Variants in TTC34 observed in about 807,000 individuals in gnomAD.
The protein encoded by TTC34 is tetratricopeptide repeat domain 34, also known as tetratricopeptide repeat protein 34.
Under a neutral mutation model 40.7 loss-of-function variants are expected in TTC34, and 44 were observed. The observed-to-expected ratio is 1.08, with a 90% CI of 0.85 to 1.39. The LOEUF is 1.39. TTC34 is among the 40% of genes most tolerant of loss of function. TTC34 has a pLI of 0.00. For missense variants in TTC34, 884 were observed against 838.0 expected, an observed-to-expected ratio of 1.05 and a Z score of -0.68; for synonymous variants, 422 against 398.6, an observed-to-expected ratio of 1.06 and a Z score of -0.70.
At chr1:2,783,325 T>C (rs980951936) in intron 6 of TTC34, among the ~76,000 whole-genome samples, 1 of 152,158 alleles carries the variant, frequency 6.6e-6, no homozygotes, top group Non-Finnish European at 1.5e-5. Flanking sequence ...GCACTGAGCA[T>C]TATCTAAGCT....
intron 6 of TTC34, among the ~76,000 whole-genome samples, chr1:2,683,673 C>G (rs1269407324): frequency 1.3e-5 from 2 of 149,230 alleles, no homozygotes; most frequent in Non-Finnish European, 3.0e-5. Flanking sequence ...GCACGCTGCA[C>G]CCCCAGGTGA....
exon 5 of TTC34, chr1:2,785,892 C>T: frequency 1.3e-6 from 2 of 1,538,288 alleles, no homozygotes; most frequent in Non-Finnish European, 1.8e-6. Flanking sequence ...CCCCGCCTGG[C>T]CGTGCCCGCA....
chr1:2,786,237 G>A lies in TTC34; in HGVS notation c.1855-214C>T, dbSNP rs745728550. ...CCCCACCCTCTCTGTGCCAGGGTCC[G>A]CCCTGTGCCATCACCCCGATCCTCC... On this transcript the variant is annotated intron_variant, in intron 4 of 8. Coordinates refer to ENST00000401095, the Ensembl canonical transcript of TTC34. 4.6e-5 allele frequency among the ~76,000 whole-genome samples: 7 copies of A among 152,030 alleles called. No individual in the cohort carries two copies. The South Asian group carries it at 6.2e-4, about 14-fold the overall frequency.
rs1391015552 is a variant in TTC34, at chr1:2,785,684, C to T, written c.2059+135G>A. On this transcript the variant is annotated intron_variant, in intron 5 of 8. Transcript: ENST00000401095. ...CCTCAGCGAGTGGCCCTTGCCCTGT[C>T]CAACCCGTGGGTGTTCCTGAGGCCC... 3.9e-6 allele frequency: 4 copies of T among 1,015,078 alleles called. No individual in the cohort carries two copies. The East Asian group carries it at 8.8e-5, about 22-fold the overall frequency. 62.9% of individuals were successfully genotyped at this position (1,015,078 alleles called of 1,614,324 possible).
chr1:2,780,954 C>A (rs1268465720), intron 6 of TTC34, among the ~76,000 whole-genome samples: 1 of 152,118 alleles, frequency 6.6e-6, no homozygotes, highest in Non-Finnish European at 1.5e-5. Flanking sequence ...TTATAGTTTT[C>A]ATTGTACAAA....
At chr1:2,656,269 T>A (rs1639340580) in intron 6 of TTC34, among the ~76,000 whole-genome samples, 2 of 151,244 alleles carry the variant, frequency 1.3e-5, no homozygotes, top group African/African-American at 4.9e-5. Context: ...CAGGTGAGCA[T>A]CTGAAAGCCT....
intron 6 of TTC34, among the ~76,000 whole-genome samples, chr1:2,755,751 C>A (rs1380196894): frequency 6.1e-3 from 201 of 33,134 alleles, no homozygotes; most frequent in Admixed American, 0.013. Flanking sequence ...CACACCCAGG[C>A]GAGCATCTGA....
intron 6 of TTC34, among the ~76,000 whole-genome samples, chr1:2,750,184 G>C (rs1450635971): frequency 0.018 from 1,622 of 90,740 alleles, no homozygotes; most frequent in African/African-American, 0.033. Context: ...GCATCTGACA[G>C]CCTGGGTCGG....
At chr1:2,652,507 C>CTTGG (rs1639180007) in intron 6 of TTC34, among the ~76,000 whole-genome samples, 1 of 146,190 alleles carries the variant, frequency 6.8e-6, no homozygotes. Context: ...ATCTGACGGC[C>CTTGG]TGCAACAGCA....
chr1:2,750,251 TGGGCATCTG>T (rs1641271129), intron 6 of TTC34, among the ~76,000 whole-genome samples: 1 of 125,340 alleles, frequency 8.0e-6, no homozygotes, highest in African/African-American at 3.3e-5. Context: ...CACCCACAGG[TGGGCATCTG>T]ACAGCCTGGA....
rs541444075 is a variant in TTC34 at position 2,690,986 on chromosome 1, G to A, written c.2227-45423C>T. Among the ~76,000 whole-genome samples the A allele has an allele frequency of 4.6e-4, 36 of 78,210 alleles. 11 individuals carry two copies. The highest frequency in any genetic ancestry group is 1.5e-3 in the African/African-American group (35 of 24,068). The allele number at this position is 78,210 out of a possible 152,430, so 51.3% of individuals were successfully genotyped here. A position where few individuals can be genotyped will look rare whatever the true frequency, so the allele number is the denominator to read the frequency against. Reference sequence around the variant, plus strand: ...GACTGGAACAGCACCCACACCCCTAGGAGAGCATCCGGCAGCCTGGAGCGG... The same window carrying A: ...GACTGGAACAGCACCCACACCCCTAAGAGAGCATCCGGCAGCCTGGAGCGG... On this transcript the variant is annotated intron_variant, in intron 6 of 8. Coordinates refer to ENST00000401095, the Ensembl canonical transcript of TTC34.
At chr1:2,773,172 C>T (rs1160053442) in intron 6 of TTC34, among the ~76,000 whole-genome samples, 121 of 143,616 alleles carry the variant, frequency 8.4e-4, no homozygotes, top group Middle Eastern at 4.2e-3. Context: ...GGAGCAGCGC[C>T]CACACCCCCA....
At chr1:2,755,777 C>G (rs1641484422) in intron 6 of TTC34, among the ~76,000 whole-genome samples, 5 of 138,580 alleles carry the variant, frequency 3.6e-5, no homozygotes, top group African/African-American at 1.4e-4. Context: ...TGGAACGGCA[C>G]CCACACCCCC....
At chr1:2,697,604 AACCC>A (rs1640926532) in intron 6 of TTC34, among the ~76,000 whole-genome samples, 1 of 132,294 alleles carries the variant, frequency 7.6e-6, no homozygotes, top group Admixed American at 7.6e-5. Flanking sequence ...CAGCTCCCAC[AACCC>A]CAGGTGAGCA....
At chr1:2,756,422 C>CT in intron 6 of TTC34, among the ~76,000 whole-genome samples, 1 of 112,764 alleles carries the variant, frequency 8.9e-6, no homozygotes, top group East Asian at 2.9e-4. Context: ...GAGTAGCACC[C>CT]ACACCCCCAG....
In TTC34 at chr1:2,645,587, G is replaced by GGGGGGGCC; in HGVS notation, c.2227-25_2227-24insGGCCCCCC. ...TCCTGCAAGGAGGGAGGGCGGGCGG[G>GGGGGGGCC]TGCAGAGTTGTCCTAAGTAGAGAAA... On this transcript the variant is annotated intron_variant, in intron 6 of 8. Coordinates refer to ENST00000401095, the Ensembl canonical transcript of TTC34. This position sits in a 1 kb window ranked among gnomAD's most constrained non-coding sequence, Gnocchi z 4.7. 4.4e-6 allele frequency: 1 copy of GGGGGGGCC among 229,522 alleles called. No individual in the cohort carries two copies. Among genetic ancestry groups the GGGGGGGCC allele is most frequent in the Non-Finnish European group, 8.6e-6 (1 of 116,446 alleles). The allele number at this position is 229,522 out of a possible 1,614,324, so 14.2% of individuals were successfully genotyped here. A position where few individuals can be genotyped will look rare whatever the true frequency, so the allele number is the denominator to read the frequency against.
chr1:2,681,627 C>A (rs1436895589), intron 6 of TTC34, among the ~76,000 whole-genome samples: 1 of 75,930 alleles, frequency 1.3e-5, no homozygotes, highest in East Asian at 3.0e-4. Flanking sequence ...CAGCCACACC[C>A]CCAGCGAGCA....
intron 6 of TTC34, among the ~76,000 whole-genome samples, chr1:2,677,731 C>CAT (rs1366336367): frequency 2.1e-5 from 2 of 94,354 alleles, no homozygotes; most frequent in Admixed American, 1.1e-4. Context: ...GCACCCTGCA[C>CAT]CCCCAGGTGA....
intron 6 of TTC34, chr1:2,776,461 G>A (rs1643173516): frequency 8.8e-6 from 1 of 113,002 alleles, no homozygotes; most frequent in African/African-American, 4.5e-5. Context: ...GTGAGCATCT[G>A]GCAGCCTGGA....
Sources: gnomAD v4.1 joint callset for allele counts (sites outside exome capture counted in the v4.1 genomes callset) on GRCh38, gnomAD v4.1.1 for gene constraint, Gnocchi (gnomAD v3.1) non-coding constraint, MANE v1.5 for transcripts, NCBI Gene and HGNC (gene_info 2026-07-23, HGNC 2026-07-21) for gene names.